STK24: variants seen among roughly 807,000 people sequenced by gnomAD.
The protein encoded by STK24 is serine/threonine kinase 24, also known as serine/threonine-protein kinase 24.
Under a neutral mutation model 55.6 loss-of-function variants are expected in STK24, and 21 were observed. The ratio of observed to expected loss-of-function variants is 0.38; its 90% CI spans 0.27 to 0.54. STK24 has a LOEUF of 0.54. Among genes scored for constraint, STK24 ranks in the 20% least tolerant of loss-of-function variants. STK24 has a pLI of 0.79. For synonymous variants in STK24, 200 were observed against 215.2 expected (o/e 0.93, Z 0.62); for missense variants, 383 against 538.4 (o/e 0.71, Z 2.86).
chr13:98,564,377 G>A (rs1258984340), intron 1 of STK24, among the ~76,000 whole-genome samples: 3 of 152,184 alleles, frequency 2.0e-5, no homozygotes, highest in Non-Finnish European at 4.4e-5. Context: ...TTCCCCTTAC[G>A]AGGGCTCCCT....
At chr13:98,515,574 G>A (rs1207009013) in intron 2 of STK24, among the ~76,000 whole-genome samples, 4 of 151,876 alleles carry the variant, frequency 2.6e-5, no homozygotes, top group Admixed American at 2.6e-4. Flanking sequence ...TCTAGCCCTT[G>A]TTTTCAATCT....
chr13:98,460,293 G>A, intron 9 of STK24, 79 bp downstream of exon 9: 2 of 1,330,838 alleles, frequency 1.5e-6, no homozygotes, highest in Non-Finnish European at 2.1e-6. Context: ...ACTCTTAACT[G>A]GCAACATCAC....
At chr13:98,558,265 C>T (rs139428485) in intron 1 of STK24, among the ~76,000 whole-genome samples, 306 of 152,320 alleles carry the variant, frequency 2.0e-3, no homozygotes, top group African/African-American at 7.1e-3. Context: ...CAACACACAT[C>T]TTTCTTCCCA....
chr13:98,470,551 T>C (rs1894104140), intron 5 of STK24, among the ~76,000 whole-genome samples: 1 of 152,214 alleles, frequency 6.6e-6, no homozygotes, highest in South Asian at 2.1e-4. Flanking sequence ...ATTAAGACAC[T>C]GCTCACAGAG....
At chr13:98,500,494 G>A (rs1434709119) in intron 2 of STK24, among the ~76,000 whole-genome samples, 1 of 152,166 alleles carries the variant, frequency 6.6e-6, no homozygotes, top group Non-Finnish European at 1.5e-5. Flanking sequence ...CAAAAGCTCT[G>A]AGAATACTGT....
chr13:98,533,797 C>T (rs1279496800), intron 1 of STK24, among the ~76,000 whole-genome samples: 4 of 152,126 alleles, frequency 2.6e-5, no homozygotes, highest in Non-Finnish European at 5.9e-5. Flanking sequence ...ACACCACCAC[C>T]TGCTCTGTTA....
At chr13:98,555,487 C>G (rs950593607) in intron 1 of STK24, among the ~76,000 whole-genome samples, 9 of 151,280 alleles carry the variant, frequency 5.9e-5, no homozygotes, top group East Asian at 2.0e-4. Context: ...GCTGAGGCAG[C>G]AGAACGGCAT....
chr13:98,548,023 A>G (rs557013640), intron 1 of STK24, among the ~76,000 whole-genome samples: 32 of 152,180 alleles, frequency 2.1e-4, no homozygotes, highest in Non-Finnish European at 4.7e-4. Context: ...TTCCCGCTCC[A>G]GCAGCAAATC....
rs541294903 is a variant in STK24 at position 98,551,013 on chromosome 13, G to A, written c.42+25732C>T. ...TATAAAAATCAACACTTGGCCGGGC[G>A]TGGTGGCTCACGCCTGTAATCCCAG... On this transcript the variant is annotated intron_variant, in intron 1 of 10. Coordinates refer to ENST00000539966, the MANE Select transcript of STK24 (RefSeq NM_001032296.4). Among the ~76,000 whole-genome samples the A allele has an allele frequency of 3.4e-3, 514 of 152,106 alleles. 5 individuals carry two copies. The highest frequency in any genetic ancestry group is 0.012 in the African/African-American group (486 of 41,496).
intron 1 of STK24, among the ~76,000 whole-genome samples, chr13:98,533,604 T>C (rs1420468613): frequency 1.3e-5 from 2 of 152,008 alleles, no homozygotes; most frequent in African/African-American, 4.8e-5. Context: ...GAGTTATGAT[T>C]GAGCCACTGC....
chr13:98,551,348 A>G (rs1418888994), intron 1 of STK24, among the ~76,000 whole-genome samples: 1 of 151,820 alleles, frequency 6.6e-6, no homozygotes, highest in African/African-American at 2.4e-5. Flanking sequence ...CTGTCCCTCA[A>G]GCAAAATCAG....
Position 98,542,401 on chromosome 13 carries a change from A to C in STK24, c.43-22928T>G, listed in dbSNP as rs144677064. 1.6e-3 allele frequency among the ~76,000 whole-genome samples: 238 copies of C among 151,208 alleles called. 1 individual carries two copies. Among genetic ancestry groups the C allele is most frequent in the African/African-American group, 5.2e-3 (210 of 40,606 alleles). On this transcript the variant is annotated intron_variant, in intron 1 of 10. Transcript: ENST00000539966. ...GCACAAACAACAACAACAACAACAA[A>C]AAAAACGGCCAATTGGTAGGTTCCA...
In STK24 at chr13:98,448,284, C is replaced by G. The variant is rs757505772; in HGVS notation, c.*4889G>C. 5.6e-6 allele frequency: 9 copies of G among 1,613,952 alleles called. No individual in the cohort carries two copies. Among genetic ancestry groups the G allele is most frequent in the Admixed American group, 3.3e-5 (2 of 60,010 alleles). On this transcript the variant is annotated 3_prime_UTR_variant, in exon 11 of 11. Transcript: ENST00000539966. ...CCACCAGCTCTGCCTCGCGACCCCA[C>G]GTGTTGAGTCACAAAGAGTCTCTTG...
intron 1 of STK24, among the ~76,000 whole-genome samples, chr13:98,571,225 C>G (rs1897731529): frequency 6.6e-6 from 1 of 152,186 alleles, no homozygotes; most frequent in Non-Finnish European, 1.5e-5. Flanking sequence ...AACTGCTCAC[C>G]CTGCATCTTG....
intron 1 of STK24, among the ~76,000 whole-genome samples, chr13:98,560,517 T>C (rs1345865316): frequency 1.3e-5 from 2 of 152,106 alleles, no homozygotes; most frequent in African/African-American, 2.4e-5. Flanking sequence ...AAACACAAGA[T>C]ATAAGAGCTA....
At chr13:98,519,649 C>T (rs1594634450) in intron 1 of STK24, among the ~76,000 whole-genome samples, 176 bp from the exon 2 acceptor site, 1 of 152,272 alleles carries the variant, frequency 6.6e-6, no homozygotes, top group South Asian at 2.1e-4. Context: ...ACATAAGATT[C>T]CTAGGTCTCA....
Position 98,453,116 on chromosome 13 carries a change from A to T in STK24, c.*57T>A. The T allele has an allele frequency of 6.3e-7, 1 of 1,598,350 alleles. No homozygotes were observed. The highest frequency in any genetic ancestry group is 8.6e-7 in the Non-Finnish European group (1 of 1,168,040). On this transcript the variant is annotated 3_prime_UTR_variant, in exon 11 of 11. Transcript: ENST00000539966. ...GAAGGCTCTCGTTGACTTTTAAAAAAGGAGGAGGATGAAGAAGGAAAAAAG... is the reference window on the plus strand; with the variant it reads ...GAAGGCTCTCGTTGACTTTTAAAAATGGAGGAGGATGAAGAAGGAAAAAAG...
chr13:98,448,336 T>A lies in STK24; in HGVS notation c.*4837A>T, dbSNP rs1436188759. On this transcript the variant is annotated 3_prime_UTR_variant, in exon 11 of 11. Transcript: ENST00000539966. ...GTATTGATGGCCGGACACACTCGTT[T>A]CCGCAGTGGCTGCTTTCCTGGAAGA... The A allele has an allele frequency of 6.3e-7, 1 of 1,577,734 alleles. No individual in the cohort carries two copies. The highest frequency in any genetic ancestry group is 2.2e-5 in the East Asian group (1 of 44,740).
chr13:98,524,092 C>T (rs1422240015), intron 1 of STK24, among the ~76,000 whole-genome samples: 1 of 152,178 alleles, frequency 6.6e-6, no homozygotes, highest in Non-Finnish European at 1.5e-5. Flanking sequence ...GAGTCAGACG[C>T]TGTGCCAGGA....
Sources: gnomAD v4.1 joint callset for allele counts (sites outside exome capture counted in the v4.1 genomes callset) on GRCh38, gnomAD v4.1.1 for gene constraint, MANE v1.5 for transcripts, NCBI Gene and HGNC (gene_info 2026-07-23, HGNC 2026-07-21) for gene names.